Variants in CDH4 observed in about 807,000 individuals in gnomAD.
The protein encoded by CDH4 is cadherin-4.
A neutral mutation model predicts 86.0 loss-of-function variants in CDH4; 33 were observed. The ratio of observed to expected loss-of-function variants is 0.38; its 90% CI spans 0.29 to 0.51. The LOEUF is 0.51. Ranked by LOEUF, CDH4 falls within the 20% of genes least tolerant of loss-of-function variation. CDH4 has a pLI of 0.86. For missense variants in CDH4, 1,114 were observed against 1,307.4 expected (o/e 0.85, Z 2.28); for synonymous variants, 555 against 549.4 (o/e 1.01, Z -0.14).
At chr20:61,309,536 G>T (rs1466009927) in intron 2 of CDH4, among the ~76,000 whole-genome samples, 1 of 152,220 alleles carries the variant, frequency 6.6e-6, no homozygotes. Flanking sequence ...TGGATATGGG[G>T]TTGAGAACAC....
intron 6 of CDH4, among the ~76,000 whole-genome samples, chr20:61,859,520 G>C (rs1057258872): frequency 6.6e-6 from 1 of 152,178 alleles, no homozygotes; most frequent in African/African-American, 2.4e-5. Flanking sequence ...CAGTTGTTTA[G>C]GTTTGTAGTT....
At chr20:61,253,681 G>C (rs1384083826) in intron 1 of CDH4, among the ~76,000 whole-genome samples, 1 of 152,188 alleles carries the variant, frequency 6.6e-6, no homozygotes, top group Non-Finnish European at 1.5e-5. Flanking sequence ...GCGGTTTAGA[G>C]CTTTTCGTAA....
chr20:61,606,869 CT>C (rs1192627340), intron 2 of CDH4, among the ~76,000 whole-genome samples: 2 of 152,260 alleles, frequency 1.3e-5, no homozygotes, highest in African/African-American at 4.8e-5. Flanking sequence ...ACACTGTCCC[CT>C]CCAGACCAGC....
At chr20:61,490,354 C>G (rs2085619127) in intron 2 of CDH4, among the ~76,000 whole-genome samples, 1 of 152,146 alleles carries the variant, frequency 6.6e-6, no homozygotes, top group African/African-American at 2.4e-5. Flanking sequence ...CTCAGCAGTG[C>G]AAGTCCACTT....
chr20:61,328,441 C>T (rs1600869692), intron 2 of CDH4, among the ~76,000 whole-genome samples: 1 of 152,176 alleles, frequency 6.6e-6, no homozygotes, highest in Non-Finnish European at 1.5e-5. Flanking sequence ...TCCCAAAGTG[C>T]TGGGATTACA....
chr20:61,912,345 A>C (rs1318349597), intron 9 of CDH4, among the ~76,000 whole-genome samples: 1 of 152,246 alleles, frequency 6.6e-6, no homozygotes. Flanking sequence ...GGCTTTCTCC[A>C]GGATCTGTGT....
intron 2 of CDH4, among the ~76,000 whole-genome samples, chr20:61,647,975 G>C (rs998141549): frequency 6.6e-6 from 1 of 152,172 alleles, no homozygotes; most frequent in African/African-American, 2.4e-5. Context: ...GATGGACACA[G>C]GTTGGCCGGC....
intron 2 of CDH4, among the ~76,000 whole-genome samples, chr20:61,350,048 T>G (rs1013816589): frequency 2.6e-5 from 4 of 152,158 alleles, no homozygotes; most frequent in Non-Finnish European, 5.9e-5. Flanking sequence ...CGCCCTCCAG[T>G]GCCACAAGGC....
intron 2 of CDH4, among the ~76,000 whole-genome samples, chr20:61,686,501 G>A (rs182057883): frequency 6.6e-6 from 1 of 151,752 alleles, no homozygotes; most frequent in Admixed American, 6.6e-5. Context: ...ATTCGCGTGT[G>A]TGTATATGTG....
At chr20:61,883,226 G>A (rs540370739) in intron 7 of CDH4, among the ~76,000 whole-genome samples, 24 of 151,856 alleles carry the variant, frequency 1.6e-4, no homozygotes, top group South Asian at 1.5e-3. Context: ...CCTGCCGCCC[G>A]GTTTAATGTA....
At chr20:61,743,816 C>T (rs2088376056) in intron 3 of CDH4, 27 bp downstream of exon 3, 2 of 1,531,290 alleles carry the variant, frequency 1.3e-6, no homozygotes, top group African/African-American at 2.7e-5. Context: ...CGGGTCTGCG[C>T]TGGAGTTTAG....
At chr20:61,765,724 A>AGGG (rs1195253389) in intron 3 of CDH4, among the ~76,000 whole-genome samples, 1 of 152,066 alleles carries the variant, frequency 6.6e-6, no homozygotes, top group Non-Finnish European at 1.5e-5. Context: ...GGAGTCAGGA[A>AGGG]GGGGAAGGCA....
rs2085832194 is a variant in CDH4, at chr20:61,517,690, A to T, written c.170-225873A>T. Among the ~76,000 whole-genome samples the T allele has an allele frequency of 6.9e-6, 1 of 145,032 alleles. No individual in the cohort carries two copies. The highest frequency in any genetic ancestry group is 1.5e-5 in the Non-Finnish European group (1 of 65,822). ...AGGACCATGGAGGGAATGAACAAGG[A>T]GGGGTTGTCGGACGTGTTCAGGACA... is the stretch of plus-strand genomic sequence containing the variant. On this transcript the variant is annotated intron_variant, in intron 2 of 15. Transcript: ENST00000614565. The surrounding 1 kb of genome is among the most constrained non-coding windows in gnomAD (Gnocchi z 6.6).
chr20:61,254,651 T>A (rs540981361), intron 1 of CDH4, among the ~76,000 whole-genome samples, 175 bp from the exon 2 acceptor site: 1 of 152,294 alleles, frequency 6.6e-6, no homozygotes, highest in East Asian at 1.9e-4. Context: ...GAGTGCTCCC[T>A]AAAGTCCCCA....
intron 2 of CDH4, among the ~76,000 whole-genome samples, chr20:61,668,113 A>G (rs998636083): frequency 1.3e-5 from 2 of 152,126 alleles, no homozygotes; most frequent in South Asian, 2.1e-4. Flanking sequence ...AAATTCTCCA[A>G]CCCTAAGAGA....
At chr20:61,806,240 C>T (rs569099097) in intron 4 of CDH4, among the ~76,000 whole-genome samples, 1 of 152,316 alleles carries the variant, frequency 6.6e-6, no homozygotes, top group African/African-American at 2.4e-5. Flanking sequence ...CGTGGCCTGC[C>T]TGCCTGACTG....
intron 2 of CDH4, among the ~76,000 whole-genome samples, chr20:61,625,502 G>A (rs1158240754): frequency 6.6e-6 from 1 of 152,012 alleles, no homozygotes; most frequent in African/African-American, 2.4e-5. Flanking sequence ...ACAAACACAG[G>A]GCTATATTAG....
At chr20:61,690,796 T>C (rs2087644874) in intron 2 of CDH4, among the ~76,000 whole-genome samples, 1 of 152,116 alleles carries the variant, frequency 6.6e-6, no homozygotes. Flanking sequence ...TGGCATAGCC[T>C]TCCTGAAGGA....
rs939760461 is a variant in CDH4 at position 61,676,328 on chromosome 20, C to T, written c.170-67235C>T. 2.6e-5 allele frequency among the ~76,000 whole-genome samples: 4 copies of T among 152,198 alleles called. No individual in the cohort carries two copies. Among genetic ancestry groups the T allele is most frequent in the Admixed American group, 1.3e-4 (2 of 15,284 alleles). On this transcript the variant is annotated intron_variant, in intron 2 of 15. Coordinates refer to ENST00000614565, the MANE Select transcript of CDH4 (RefSeq NM_001794.5). This position sits in a 1 kb window ranked among gnomAD's most constrained non-coding sequence, Gnocchi z 4.5. ...AAATGAATAGTGCGATTGAATACTGCGGCCCCCAGAGGAGGTGGGATTGCA... is the reference window on the plus strand; with the variant it reads ...AAATGAATAGTGCGATTGAATACTGTGGCCCCCAGAGGAGGTGGGATTGCA...
Sources: allele counts gnomAD v4.1 joint callset (sites outside exome capture counted in the v4.1 genomes callset), GRCh38; gene constraint gnomAD v4.1.1; non-coding constraint Gnocchi (gnomAD v3.1); transcripts MANE v1.5; gene names NCBI Gene and HGNC (gene_info 2026-07-23, HGNC 2026-07-21).